Variants in GRM7 observed in about 807,000 individuals in gnomAD.
The protein encoded by GRM7 is metabotropic glutamate receptor 7.
In GRM7, 35 loss-of-function variants were observed where a neutral mutation model predicts 84.5. The observed-to-expected ratio is 0.41, with a 90% CI of 0.32 to 0.55. The LOEUF (loss-of-function observed/expected upper bound fraction) is 0.55. Ranked by LOEUF, GRM7 falls within the 20% of genes least tolerant of loss-of-function variation. The pLI is 0.19. For synonymous variants in GRM7, 487 were observed against 455.1 expected (o/e 1.07, Z -0.89); for missense variants, 1,003 against 1,194.6 (o/e 0.84, Z 2.36).
At chr3:7,015,042 T>C (rs1277702323) in intron 1 of GRM7, among the ~76,000 whole-genome samples, 10 of 152,052 alleles carry the variant, frequency 6.6e-5, no homozygotes, top group Admixed American at 6.6e-4. Context: ...CGATCAGCAC[T>C]CAGTAAACTG....
At chr3:6,946,622 T>G (rs1055405197) in intron 1 of GRM7, among the ~76,000 whole-genome samples, 1 of 152,212 alleles carries the variant, frequency 6.6e-6, no homozygotes, top group African/African-American at 2.4e-5. Context: ...TTGATGGGGA[T>G]GGCATTGAAT....
chr3:7,373,306 T>A (rs1417931469), intron 4 of GRM7, among the ~76,000 whole-genome samples: 1 of 152,190 alleles, frequency 6.6e-6, no homozygotes, highest in Non-Finnish European at 1.5e-5. Context: ...ACTGCCTAAT[T>A]TAGTTAGCCC....
At chr3:7,032,002 T>C (rs1696204403) in intron 1 of GRM7, among the ~76,000 whole-genome samples, 1 of 152,214 alleles carries the variant, frequency 6.6e-6, no homozygotes, top group South Asian at 2.1e-4. Context: ...TTAAGGGAAA[T>C]GACAATCTAT....
intron 8 of GRM7, among the ~76,000 whole-genome samples, chr3:7,603,492 C>T (rs1283964989): frequency 1.3e-5 from 2 of 152,108 alleles, no homozygotes; most frequent in Non-Finnish European, 1.5e-5. Context: ...GGTTATTGTT[C>T]TAGGTTTTGT....
chr3:7,182,481 C>G (rs531758622), intron 2 of GRM7, among the ~76,000 whole-genome samples: 1 of 152,106 alleles, frequency 6.6e-6, no homozygotes, highest in South Asian at 2.1e-4. Context: ...TTTCCTTTCT[C>G]TCAATAATAA....
At chr3:6,999,721 G>A (rs1178799848) in intron 1 of GRM7, among the ~76,000 whole-genome samples, 3 of 152,174 alleles carry the variant, frequency 2.0e-5, no homozygotes, top group Non-Finnish European at 1.5e-5. Context: ...GAAGTGCAGA[G>A]TGAAGGAAGG....
chr3:6,980,764 G>T (rs187097500), intron 1 of GRM7, among the ~76,000 whole-genome samples: 6 of 152,318 alleles, frequency 3.9e-5, no homozygotes, highest in Admixed American at 3.9e-4. Flanking sequence ...ACTTGAGTGA[G>T]CTTCCCTGCT....
intron 1 of GRM7, 114 bp from the exon 2 acceptor site, chr3:7,146,338 C>T (rs1574959612): frequency 1.3e-6 from 1 of 799,394 alleles, no homozygotes. Flanking sequence ...TTTGGCAAAA[C>T]ATGTATCTCC....
intron 7 of GRM7, among the ~76,000 whole-genome samples, chr3:7,497,388 C>T (rs987322126): frequency 6.6e-6 from 1 of 152,150 alleles, no homozygotes; most frequent in South Asian, 2.1e-4. Context: ...TATAAGCCCA[C>T]CCATTATGTT....
intron 7 of GRM7, among the ~76,000 whole-genome samples, chr3:7,482,606 A>T (rs569192100): frequency 2.0e-5 from 3 of 152,280 alleles, no homozygotes; most frequent in Admixed American, 1.3e-4. Flanking sequence ...ATAAGATATA[A>T]AGGAGGCAAT....
chr3:6,879,174 A>G (rs1695419768), intron 1 of GRM7, among the ~76,000 whole-genome samples: 1 of 148,690 alleles, frequency 6.7e-6, no homozygotes, highest in Non-Finnish European at 1.5e-5. Flanking sequence ...TCCCCAATTT[A>G]CAGATAAATT....
chr3:6,987,823 C>A (rs948750798), intron 1 of GRM7, among the ~76,000 whole-genome samples: 5 of 152,054 alleles, frequency 3.3e-5, no homozygotes, highest in Admixed American at 6.5e-5. Context: ...TGGTTCTGGA[C>A]CTAGCCCAGG....
At chr3:7,146,710 G>A (rs542649458) in intron 2 of GRM7, 42 bp downstream of exon 2, 102 of 1,389,618 alleles carry the variant, frequency 7.3e-5, no homozygotes, top group East Asian at 6.2e-4. Context: ...CTCTTCAAAC[G>A]TCTGTGGCTT....
chr3:6,917,547 A>C (rs987627584), intron 1 of GRM7, among the ~76,000 whole-genome samples: 4 of 150,298 alleles, frequency 2.7e-5, no homozygotes, highest in Non-Finnish European at 5.9e-5. Flanking sequence ...ATAAACTTAA[A>C]TGAAAGAGTT....
chr3:7,129,308 CG>C (rs1485838899), intron 1 of GRM7, among the ~76,000 whole-genome samples: 1 of 152,152 alleles, frequency 6.6e-6, no homozygotes, highest in Admixed American at 6.5e-5. Context: ...AATGATCAGC[CG>C]TTATCCGTTT....
intron 1 of GRM7, among the ~76,000 whole-genome samples, chr3:7,114,840 C>A (rs1338208712): frequency 6.6e-6 from 1 of 152,112 alleles, no homozygotes; most frequent in Non-Finnish European, 1.5e-5. Context: ...TGGTGTTTTC[C>A]TTTCATCGCT....
intron 1 of GRM7, among the ~76,000 whole-genome samples, chr3:6,916,625 C>G (rs1443607709): frequency 6.6e-6 from 1 of 152,074 alleles, no homozygotes; most frequent in African/African-American, 2.4e-5. Context: ...AAGGGGGGAA[C>G]AAGCTGCCTC....
At chr3:7,624,437 A>G (rs1048735998) in intron 8 of GRM7, among the ~76,000 whole-genome samples, 3 of 152,160 alleles carry the variant, frequency 2.0e-5, no homozygotes. Flanking sequence ...CTTTGCGTTA[A>G]CTACGTAATT....
At chr3:7,064,575 G>A (rs983026353) in intron 1 of GRM7, among the ~76,000 whole-genome samples, 2 of 141,094 alleles carry the variant, frequency 1.4e-5, no homozygotes, top group African/African-American at 5.3e-5. Flanking sequence ...ATATATCACA[G>A]TTTCTTTATC....
Sources: gnomAD v4.1 joint callset for allele counts (sites outside exome capture counted in the v4.1 genomes callset) on GRCh38, gnomAD v4.1.1 for gene constraint, MANE v1.5 for transcripts, NCBI Gene and HGNC (gene_info 2026-07-23, HGNC 2026-07-21) for gene names.